Variants in OGFR observed in about 807,000 individuals in gnomAD.
OGFR encodes the protein protein 7-60.
Under a neutral mutation model 33.6 loss-of-function variants are expected in OGFR, and 18 were observed. The ratio of observed to expected loss-of-function variants is 0.54; its 90% CI spans 0.37 to 0.80. The LOEUF (loss-of-function observed/expected upper bound fraction) is 0.80. Among genes scored for constraint, OGFR ranks in the 30% least tolerant of loss-of-function variants. The pLI, the probability that OGFR is intolerant of heterozygous loss-of-function variation, is 0.00. For missense variants in OGFR, 877 were observed against 955.8 expected (o/e 0.92, Z 1.09); for synonymous variants, 370 against 400.7 (o/e 0.92, Z 0.91).
Position 62,813,910 on chromosome 20 carries a change from A to C in OGFR, c.*261A>C. ...CCTGCGCCCCTGTCTTTGTAAATTG[A>C]CCCTTCTGGAGTGGGGGGCGGCGGG... On this transcript the variant is annotated 3_prime_UTR_variant, in exon 7 of 7. Transcript: ENST00000290291. The C allele has an allele frequency of 1.7e-6, 1 of 572,106 alleles. No homozygotes were observed. The highest frequency in any genetic ancestry group is 1.9e-5 in the African/African-American group (1 of 53,406). The allele number at this position is 572,106 out of a possible 1,614,324, so 35.4% of individuals were successfully genotyped here. A position where few individuals can be genotyped will look rare whatever the true frequency, so the allele number is the denominator to read the frequency against.
At position 62,813,812 on chromosome 20, in the gene OGFR, G is replaced by A. The variant is rs370651425; in HGVS notation, c.*163G>A. The stretch of plus-strand genomic sequence containing the variant: ...GCCACTATAGCAGCCACCAGAAGCC[G>A]CGAGGCCCTCAGGGAAGCCCAAGGC... On this transcript the variant is annotated 3_prime_UTR_variant, in exon 7 of 7. Transcript: ENST00000290291. 1.5e-5 allele frequency: 12 copies of A among 811,788 alleles called. No homozygotes were observed. The highest frequency in any genetic ancestry group is 6.9e-5 in the South Asian group (4 of 57,674). 50.3% of individuals were successfully genotyped at this position (811,788 alleles called of 1,614,324 possible).
chr20:62,810,600 A>T (rs1446907635), intron 5 of OGFR, 35 bp downstream of exon 5: 1 of 1,604,982 alleles, frequency 6.2e-7, no homozygotes, highest in Non-Finnish European at 8.5e-7. Context: ...GGAGGGGAAG[A>T]TGGGGAGGCC....
At chr20:62,810,657 G>T in intron 5 of OGFR, 92 bp downstream of exon 5, 2 of 1,201,910 alleles carry the variant, frequency 1.7e-6, no homozygotes, top group Non-Finnish European at 2.4e-6. Flanking sequence ...CTGGCAGTAG[G>T]CATTTGGTGC....
rs955832020 is a variant in OGFR at position 62,812,395 on chromosome 20, C to T, written c.780C>T (p.Ala260=). The T allele has an allele frequency of 3.2e-5, 50 of 1,579,980 alleles. No homozygotes were observed. Among genetic ancestry groups the T allele is most frequent in the Admixed American group, 9.0e-5 (5 of 55,334 alleles). Reference sequence around the variant, plus strand: ...GTGCCCTGGACTACTTCATGTTCGCCGTGCGCTGCCGACACCAGCGCCGCC... The same window carrying T: ...GTGCCCTGGACTACTTCATGTTCGCTGTGCGCTGCCGACACCAGCGCCGCC... ...RQSALDYFMF[A]VRCRHQRRQL... is the part of the protein sequence containing the mutation. Residue 260 remains alanine (A), a synonymous_variant, in exon 7 of 7, where the codon GCC becomes GCT. Transcript: ENST00000290291.
At chr20:62,807,638 C>T (rs41302962) in intron 2 of OGFR, 33 bp downstream of exon 2, 16,290 of 1,596,862 alleles carry the variant, frequency 0.01, 102 homozygotes, top group Middle Eastern at 0.016. Context: ...GGACACAGAA[C>T]CCTCCCGCCA....
chr20:62,808,093 A>G, intron 2 of OGFR, 154 bp from the exon 3 acceptor site: 2 of 724,038 alleles, frequency 2.8e-6, no homozygotes, highest in South Asian at 1.4e-5. Flanking sequence ...TGTCCTCTGA[A>G]TGGCCCCCAC....
intron 5 of OGFR, 109 bp from the exon 6 acceptor site, chr20:62,811,353 G>C (rs1394533344): frequency 8.5e-7 from 1 of 1,176,770 alleles, no homozygotes; most frequent in African/African-American, 1.5e-5. Flanking sequence ...CTGTCTGTCT[G>C]TCTGTCTAGT....
rs772448691 is a variant in OGFR, at chr20:62,812,562, C to A, written c.947C>A (p.Pro316His). The part of the protein sequence containing the change: ...GSRKVEEEGS[P>H]GDPDHEASTQ... Reference sequence around the variant, plus strand: ...AGGAAGGTGGAGGAGGAAGGAAGCCCCGGGGACCCCGACCACGAGGCCAGC... The same window carrying A: ...AGGAAGGTGGAGGAGGAAGGAAGCCACGGGGACCCCGACCACGAGGCCAGC... Residue 316 changes from proline to histidine, a missense_variant, in exon 7 of 7, where the codon CCC becomes CAC. Pro to His is a moderately conservative substitution (Grantham distance 77). Around this residue, in one of 3 missense-constraint regions of OGFR, gnomAD observed 760 missense variants for 736.0 expected, o/e 1.03. Transcript: ENST00000290291. 3 of 1,580,126 alleles carry A rather than the reference C, an allele frequency of 1.9e-6. No individual in the cohort carries two copies. Among genetic ancestry groups the A allele is most frequent in the Non-Finnish European group, 2.6e-6 (3 of 1,163,552 alleles).
intron 3 of OGFR, among the ~76,000 whole-genome samples, chr20:62,808,535 T>C (rs1393710113): frequency 2.0e-5 from 3 of 152,212 alleles, no homozygotes; most frequent in Non-Finnish European, 4.4e-5. Flanking sequence ...GGGCTATCTC[T>C]GTAAAGAGCC....
At position 62,811,531 on chromosome 20, in the gene OGFR, G is replaced by A. The variant is rs1390852089; in HGVS notation, c.535G>A (p.Gly179Arg). 7 of 1,608,018 alleles carry A rather than the reference G, an allele frequency of 4.4e-6. No individual in the cohort carries two copies. Among genetic ancestry groups the A allele is most frequent in the Non-Finnish European group, 5.1e-6 (6 of 1,178,132 alleles). ...CTACGAGCTCATGCTGGGCTTCTAC[G>A]GGATCCGGCTGGAGGACCGAGGCAC... ...RAYELMLGFYGIRLEDRGTGT... is the reference protein window; with the variant it reads ...RAYELMLGFYRIRLEDRGTGT... Residue 179 changes from glycine (G) to arginine (R), a missense_variant, in exon 6 of 7, where the codon GGG becomes AGG. Physicochemically the swap from Gly to Arg is moderately radical, Grantham distance 125. Transcript: ENST00000290291.
At chr20:62,807,498 C>T (rs1422091471) in intron 1 of OGFR, 39 bp from the exon 2 acceptor site, 7 of 1,591,164 alleles carry the variant, frequency 4.4e-6, no homozygotes, top group African/African-American at 1.3e-5. Flanking sequence ...ACTTGGGGGT[C>T]TCCCATGGGG....
At chr20:62,807,275 A>T in intron 1 of OGFR, 1 of 537,826 alleles carries the variant, frequency 1.9e-6, no homozygotes, top group Non-Finnish European at 3.3e-6. Context: ...GGGCCTAGAG[A>T]AGGAGCAGCC....
intron 3 of OGFR, among the ~76,000 whole-genome samples, chr20:62,809,044 T>C (rs1990664556): frequency 6.9e-6 from 1 of 144,092 alleles, no homozygotes; most frequent in African/African-American, 2.6e-5. Flanking sequence ...GAAATTAAAA[T>C]TTCAGTGTCA....
At chr20:62,812,129 G>A in intron 6 of OGFR, 101 bp from the exon 7 acceptor site, 1 of 1,029,218 alleles carries the variant, frequency 9.7e-7, no homozygotes, top group Non-Finnish European at 1.4e-6. Context: ...GCCAGGGTGG[G>A]GAGACCTCGT....
intron 3 of OGFR, among the ~76,000 whole-genome samples, 196 bp from the exon 4 acceptor site, chr20:62,809,389 A>G (rs1168931370): frequency 7.2e-5 from 11 of 152,222 alleles, no homozygotes; most frequent in African/African-American, 1.9e-4. Flanking sequence ...GCAGCAGGGC[A>G]AGGGCTGTGC....
intron 1 of OGFR, 101 bp downstream of exon 1, chr20:62,805,131 C>T (rs1990555455): frequency 2.2e-6 from 2 of 916,154 alleles, no homozygotes; most frequent in South Asian, 4.0e-5. Context: ...CACCTGGAGC[C>T]TCCTGGAGCT....
In OGFR at chr20:62,811,529, A is replaced by G. The variant is rs771911838; in HGVS notation, c.533A>G (p.Tyr178Cys). ...GCCTACGAGCTCATGCTGGGCTTCT[A>G]CGGGATCCGGCTGGAGGACCGAGGC... ...VRAYELMLGFYGIRLEDRGTG... is the reference protein window; with the variant it reads ...VRAYELMLGFCGIRLEDRGTG... The change falls in exon 6 of 7, where the codon TAC becomes TGC. Residue 178 changes from tyrosine (Y) to cysteine (C), a missense_variant. Transcript: ENST00000290291. 16 of 1,608,280 alleles carry G rather than the reference A, an allele frequency of 9.9e-6. No homozygotes were observed. The highest frequency in any genetic ancestry group is 1.7e-5 in the Admixed American group (1 of 59,474).
Position 62,812,945 on chromosome 20 carries a change from C to T in OGFR, c.1330C>T (p.Arg444Cys), listed in dbSNP as rs550878776. ...CCCTGGGGAGGCAGTGCAGCCCTGC[C>T]GCCAACCCCTGGGAGCCAGGGTGGC... ...QDPGEAVQPC[R>C]QPLGARVADK... The change falls in exon 7 of 7, where the codon CGC becomes TGC. Residue 444 changes from arginine (R) to cysteine (C), a missense_variant. Physicochemically the swap from Arg to Cys is radical, Grantham distance 180. Transcript: ENST00000290291. The T allele has an allele frequency of 4.0e-5, 64 of 1,612,228 alleles. No individual in the cohort carries two copies. The highest frequency in any genetic ancestry group is 1.5e-4 in the South Asian group (14 of 91,054).
In OGFR at chr20:62,813,553, G is replaced by A. The variant is rs772919866; in HGVS notation, c.1938G>A (p.Pro646=). 3.2e-5 allele frequency: 52 copies of A among 1,607,782 alleles called. No homozygotes were observed. In the Middle Eastern group the frequency reaches 6.7e-4, roughly 21 times the overall value. The change falls in exon 7 of 7, where the codon CCG becomes CCA. Residue 646 remains proline, a synonymous_variant. Coordinates refer to ENST00000290291, the MANE Select transcript of OGFR (RefSeq NM_007346.4). ...ESPSETPGPS[P]AGPTRDEPAK... is the part of the protein sequence containing the mutation. Reference sequence around the variant, plus strand: ...CATCGGAGACCCCAGGCCCCAGCCCGGCAGGACCTACAAGGGATGAGCCAG... The same window carrying A: ...CATCGGAGACCCCAGGCCCCAGCCCAGCAGGACCTACAAGGGATGAGCCAG...
Sources: gnomAD v4.1 joint callset for allele counts (sites outside exome capture counted in the v4.1 genomes callset) on GRCh38, gnomAD v4.1.1 for gene constraint, gnomAD v4.1.1 regional missense constraint, MANE v1.5 for transcripts, NCBI Gene and HGNC (gene_info 2026-07-23, HGNC 2026-07-21) for gene names.